Variants in DPF3 observed in about 807,000 individuals in gnomAD.
DPF3 encodes the protein zinc finger protein DPF3.
In DPF3, 18 loss-of-function variants were observed where a neutral mutation model predicts 56.8. The ratio of observed to expected loss-of-function variants is 0.32; its 90% confidence interval spans 0.22 to 0.47. The LOEUF is 0.47. Among genes scored for constraint, DPF3 ranks in the 20% least tolerant of loss-of-function variants. DPF3 has a pLI of 1.00. For missense variants in DPF3, 403 were observed against 488.8 expected, an observed-to-expected ratio of 0.82 and a Z score of 1.65; for synonymous variants, 188 against 180.2, an observed-to-expected ratio of 1.04 and a Z score of -0.35.
intron 1 of DPF3, among the ~76,000 whole-genome samples, chr14:72,844,030 A>T (rs1014588405): frequency 2.0e-5 from 3 of 152,250 alleles, no homozygotes; most frequent in African/African-American, 7.2e-5. Context: ...GTTTGGCTAG[A>T]GTCTGTGCTC....
intron 4 of DPF3, chr14:72,723,948 C>A (rs550158028): frequency 6.5e-6 from 3 of 463,484 alleles, no homozygotes; most frequent in Non-Finnish European, 1.1e-5. Flanking sequence ...CCAGACAAGT[C>A]CTCCCAGAAC....
intron 4 of DPF3, among the ~76,000 whole-genome samples, chr14:72,725,974 A>T (rs1377023307): frequency 1.3e-5 from 2 of 152,194 alleles, no homozygotes; most frequent in Admixed American, 1.3e-4. Context: ...GCCAGCCTTA[A>T]CCATCTAACA....
chr14:72,645,933 T>A (rs1885710825), intron 8 of DPF3, among the ~76,000 whole-genome samples: 1 of 152,150 alleles, frequency 6.6e-6, no homozygotes, highest in Non-Finnish European at 1.5e-5. Flanking sequence ...AGTGGGCCCA[T>A]CGACCACTTG....
intron 1 of DPF3, among the ~76,000 whole-genome samples, chr14:72,863,058 TTATATATATATATATATATA>T (rs58405648): frequency 0.021 from 2,917 of 139,862 alleles, 52 homozygotes; most frequent in Middle Eastern, 0.029. Flanking sequence ...ATTATTCCAT[TTATATATATATATATATATA>T]TATATATATA....
chr14:72,684,024 C>T (rs1380643233), intron 7 of DPF3, among the ~76,000 whole-genome samples: 2 of 152,096 alleles, frequency 1.3e-5, no homozygotes, highest in East Asian at 1.9e-4. Flanking sequence ...ATGAGAGTGA[C>T]ATCATCTGCT....
chr14:72,788,098 C>T (rs1234223770), intron 1 of DPF3, among the ~76,000 whole-genome samples: 3 of 152,178 alleles, frequency 2.0e-5, no homozygotes, highest in South Asian at 2.1e-4. Flanking sequence ...TGATCCCAGC[C>T]CTTCACAGTG....
At chr14:72,817,418 AG>A (rs1443444362) in intron 1 of DPF3, among the ~76,000 whole-genome samples, 3 of 152,284 alleles carry the variant, frequency 2.0e-5, no homozygotes, top group Non-Finnish European at 2.9e-5. Context: ...GCACTTTAAG[AG>A]GCCAAGGTGG....
chr14:72,827,863 G>A (rs1316442946), intron 1 of DPF3, among the ~76,000 whole-genome samples: 2 of 151,934 alleles, frequency 1.3e-5, no homozygotes, highest in East Asian at 3.9e-4. Flanking sequence ...GAGGCAGGAG[G>A]ATCACTTGAG....
intron 8 of DPF3, among the ~76,000 whole-genome samples, chr14:72,643,742 C>T (rs754123498): frequency 6.6e-6 from 1 of 152,244 alleles, no homozygotes; most frequent in African/African-American, 2.4e-5. Context: ...GAGAGGAGCA[C>T]AAAAGACGGC....
chr14:72,661,557 C>A, intron 8 of DPF3: 2 of 985,566 alleles, frequency 2.0e-6, no homozygotes, highest in Non-Finnish European at 2.4e-6. Context: ...CCAGTCAGCC[C>A]TGCACCTTTG....
At chr14:72,620,243 C>T (rs550043245) in intron 9 of DPF3, among the ~76,000 whole-genome samples, 1 of 152,302 alleles carries the variant, frequency 6.6e-6, no homozygotes, top group East Asian at 1.9e-4. Flanking sequence ...TCCAAGACGC[C>T]TTCTGTGACT....
intron 1 of DPF3, among the ~76,000 whole-genome samples, chr14:72,790,023 A>G (rs1599443635): frequency 6.6e-6 from 1 of 151,886 alleles, no homozygotes; most frequent in South Asian, 2.1e-4. Context: ...AGGCCAAGGC[A>G]GGCAGATTGC....
chr14:72,769,286 T>G (rs1805284478), intron 2 of DPF3, among the ~76,000 whole-genome samples: 1 of 152,152 alleles, frequency 6.6e-6, no homozygotes, highest in South Asian at 2.1e-4. Flanking sequence ...ATAGCTGATT[T>G]CAGTCCTGGA....
intron 8 of DPF3, among the ~76,000 whole-genome samples, chr14:72,637,825 G>T (rs1185406312): frequency 1.3e-5 from 2 of 152,058 alleles, no homozygotes; most frequent in Non-Finnish European, 2.9e-5. Context: ...AACTAAGAAA[G>T]AAATTAAAAT....
At chr14:72,740,845 T>C (rs1890095376) in intron 3 of DPF3, among the ~76,000 whole-genome samples, 1 of 152,136 alleles carries the variant, frequency 6.6e-6, no homozygotes, top group African/African-American at 2.4e-5. Context: ...AAGCTGTGGT[T>C]CTGGTAAAGG....
chr14:72,728,765 G>A (rs939972926), intron 4 of DPF3, among the ~76,000 whole-genome samples: 2 of 151,988 alleles, frequency 1.3e-5, no homozygotes, highest in African/African-American at 2.4e-5. Flanking sequence ...TCCTGCCCTC[G>A]AGGAGTTTAC....
intron 1 of DPF3, among the ~76,000 whole-genome samples, chr14:72,821,563 A>C (rs1883545930): frequency 6.6e-6 from 1 of 152,212 alleles, no homozygotes; most frequent in Admixed American, 6.5e-5. Flanking sequence ...CTTAATAAAT[A>C]TTTCTCAAAT....
intron 1 of DPF3, among the ~76,000 whole-genome samples, chr14:72,846,861 A>C (rs1476385494): frequency 6.6e-6 from 1 of 152,246 alleles, no homozygotes; most frequent in African/African-American, 2.4e-5. Flanking sequence ...AAAGCTGAGG[A>C]GGACCTTGGA....
At position 72,661,983 on chromosome 14, in the gene DPF3, G is replaced by C. The variant is rs568470373; in HGVS notation, c.871+12257C>G. The C allele has an allele frequency of 4.1e-6, 4 of 983,232 alleles. No homozygotes were observed. In the African/African-American group the frequency reaches 7.1e-5, roughly 17 times the overall value. 60.9% of individuals were successfully genotyped at this position (983,232 alleles called of 1,614,324 possible). Reference sequence around the variant, plus strand: ...TCCTGAGCTAGACCTCATCAGACATGATAACTAGGAGGCAGGCTGCTTCTG... The same window carrying C: ...TCCTGAGCTAGACCTCATCAGACATCATAACTAGGAGGCAGGCTGCTTCTG... On this transcript the variant is annotated intron_variant, in intron 8 of 10. Coordinates refer to ENST00000556509, the MANE Select transcript of DPF3 (RefSeq NM_001280542.3).
Sources: allele counts gnomAD v4.1 joint callset (sites outside exome capture counted in the v4.1 genomes callset), GRCh38; gene constraint gnomAD v4.1.1; transcripts MANE v1.5; gene names NCBI Gene and HGNC (gene_info 2026-07-23, HGNC 2026-07-21).